SMARCC2: variants seen among roughly 807,000 people sequenced by gnomAD.
SMARCC2 encodes the protein SWI/SNF complex subunit SMARCC2.
In SMARCC2, 15 loss-of-function variants were observed where a neutral mutation model predicts 151.3. That is an observed-to-expected ratio of 0.10 (90% CI 0.07 to 0.15). The LOEUF is 0.15. Ranked by LOEUF, SMARCC2 falls within the 10% of genes least tolerant of loss-of-function variation. SMARCC2 has a pLI of 1.00. For missense variants in SMARCC2, 1,031 were observed against 1,599.7 expected (o/e 0.64, Z 6.06); for synonymous variants, 590 against 609.5 (o/e 0.97, Z 0.47).
In SMARCC2 at chr12:56,179,117, AT is replaced by A. The variant is rs1430824866; in HGVS notation, c.1082-62del. Reference sequence around the variant, plus strand: ...TTGCCTAATTCAAGCCTTCAATTTAATAGTTCCAGACATCCTACTTTCTCCA... The same window carrying A: ...TTGCCTAATTCAAGCCTTCAATTTAAAGTTCCAGACATCCTACTTTCTCCA... On this transcript the variant is annotated intron_variant, in intron 11 of 28. Coordinates refer to ENST00000550164, the MANE Select transcript of SMARCC2 (RefSeq NM_001330288.2). 5.6e-6 allele frequency: 8 copies of A among 1,427,988 alleles called. No homozygotes were observed. In the Admixed American group the frequency reaches 8.5e-5, roughly 15 times the overall value. The allele number at this position is 1,427,988 out of a possible 1,614,324, so 88.5% of individuals were successfully genotyped here.
chr12:56,178,156 G>A, intron 14 of SMARCC2, 63 bp from the exon 15 acceptor site: 1 of 1,358,310 alleles, frequency 7.4e-7, no homozygotes, highest in Admixed American at 2.1e-5. Context: ...GGCCCCAAAG[G>A]GAGGAAAAGC....
rs753976051 is a variant in SMARCC2, at chr12:56,172,541, G to A, written c.1863+44C>T. On this transcript the variant is annotated intron_variant, in intron 19 of 28. Coordinates refer to ENST00000550164, the MANE Select transcript of SMARCC2 (RefSeq NM_001330288.2). ...GAAGAAAGGAGCCTGTGACCTCTGA[G>A]GAGCGAACATTCTCTACCCCTAGAG... 5.0e-6 allele frequency: 8 copies of A among 1,613,366 alleles called. No individual in the cohort carries two copies. In the East Asian group the frequency reaches 1.1e-4, roughly 22 times the overall value.
At chr12:56,169,305 T>A (rs955679741) in intron 25 of SMARCC2, among the ~76,000 whole-genome samples, 1 of 152,104 alleles carries the variant, frequency 6.6e-6, no homozygotes, top group Non-Finnish European at 1.5e-5. Flanking sequence ...TGGCAAAGGG[T>A]AACATGGAGT....
At chr12:56,166,581 T>C (rs1294141287) in intron 26 of SMARCC2, among the ~76,000 whole-genome samples, 1 of 151,098 alleles carries the variant, frequency 6.6e-6, no homozygotes, top group Non-Finnish European at 1.5e-5. Context: ...CTATCTTCTA[T>C]TTCTTTTTCT....
Position 56,178,987 on chromosome 12 carries a change from C to T in SMARCC2, c.1141+10G>A. The T allele has an allele frequency of 6.2e-7, 1 of 1,614,032 alleles. No individual in the cohort carries two copies. The highest frequency in any genetic ancestry group is 8.5e-7 in the Non-Finnish European group (1 of 1,179,880). On this transcript the variant is annotated intron_variant, in intron 12 of 28. Transcript: ENST00000550164. Reference sequence around the variant, plus strand: ...CTCTGACTGCCGTGCCCAAGAGGCTCCTGTCTTACCCAGGTCGGTCATGGT... The same window carrying T: ...CTCTGACTGCCGTGCCCAAGAGGCTTCTGTCTTACCCAGGTCGGTCATGGT...
Position 56,189,471 on chromosome 12 carries a change from C to CTCGGGCCCCG in SMARCC2, c.-20_-11dup, listed in dbSNP as rs767506948. ...TCTTCCGCACCGCCATCTTCTCCGGCTCGGGCCCCGCCGCCGCCCGCCCCA... is the reference window on the plus strand; with the variant it reads ...TCTTCCGCACCGCCATCTTCTCCGGCTCGGGCCCCGTCGGGCCCCGCCGCCGCCCGCCCCA... On this transcript the variant is annotated 5_prime_UTR_variant, in exon 1 of 29. Transcript: ENST00000550164. 1 of 1,461,498 alleles carries CTCGGGCCCCG rather than the reference C, an allele frequency of 6.8e-7. No individual in the cohort carries two copies. Among genetic ancestry groups the CTCGGGCCCCG allele is most frequent in the Admixed American group, 2.0e-5 (1 of 48,964 alleles). 90.5% of individuals were successfully genotyped at this position (1,461,498 alleles called of 1,614,324 possible). A position where few individuals can be genotyped will look rare whatever the true frequency, so the allele number is the denominator to read the frequency against.
In SMARCC2 at chr12:56,166,832, G is replaced by A. The variant is rs986319215; in HGVS notation, c.2851-1133C>T. 1.1e-4 allele frequency among the ~76,000 whole-genome samples: 16 copies of A among 152,264 alleles called. 1 individual carries two copies. The highest frequency in any genetic ancestry group is 3.4e-3 in the Middle Eastern group (1 of 294). ...AAATCCCAGCGCTTTGGGAGGCTGA[G>A]GTGGGCGGATCACCTGAGGTCAGGA... On this transcript the variant is annotated intron_variant, in intron 26 of 28. Coordinates refer to ENST00000550164, the MANE Select transcript of SMARCC2 (RefSeq NM_001330288.2).
chr12:56,169,064 C>A (rs1283812146), intron 25 of SMARCC2, among the ~76,000 whole-genome samples: 1 of 152,032 alleles, frequency 6.6e-6, no homozygotes, highest in African/African-American at 2.4e-5. Flanking sequence ...GAGGCCAAAG[C>A]GGGTGGATCA....
chr12:56,180,624 G>A (rs1034480718), intron 11 of SMARCC2, among the ~76,000 whole-genome samples: 2 of 148,540 alleles, frequency 1.3e-5, no homozygotes, highest in Non-Finnish European at 3.0e-5. Context: ...GGCTGGTCTC[G>A]AATTCCTGAC....
chr12:56,169,792 A>G lies in SMARCC2; in HGVS notation c.2532T>C (p.Ser844=), dbSNP rs750300269. ...GAGGCTCACCTATTGGGTCTCCATC[A>G]CTCTTCTCGGACTCCTTCTCACTGT... is the stretch of plus-strand genomic sequence containing the variant. ...EGDSEKESEK[S]DGDPIVDPEK... is the part of the protein sequence containing the mutation. The change falls in exon 24 of 29, where the codon AGT becomes AGC. Residue 844 remains serine, a synonymous_variant. Coordinates refer to ENST00000550164, the MANE Select transcript of SMARCC2 (RefSeq NM_001330288.2). The G allele has an allele frequency of 4.3e-6, 7 of 1,611,228 alleles. No homozygotes were observed. The highest frequency in any genetic ancestry group is 5.9e-6 in the Non-Finnish European group (7 of 1,179,230).
intron 18 of SMARCC2, 55 bp from the exon 19 acceptor site, chr12:56,172,759 G>T: frequency 6.2e-7 from 1 of 1,608,222 alleles, no homozygotes; most frequent in South Asian, 1.1e-5. Context: ...GGAGCCAGGG[G>T]CTGACAGAGA....
At chr12:56,176,111 C>A (rs748843638) in intron 15 of SMARCC2, among the ~76,000 whole-genome samples, 2 of 152,162 alleles carry the variant, frequency 1.3e-5, no homozygotes, top group Non-Finnish European at 2.9e-5. Context: ...CCCGCCTGGG[C>A]CTCCCAAAGT....
chr12:56,167,959 C>A, intron 26 of SMARCC2, 101 bp downstream of exon 26: 2 of 697,956 alleles, frequency 2.9e-6, no homozygotes, highest in South Asian at 4.6e-5. Flanking sequence ...GAAACACACA[C>A]ACACACACAC....
chr12:56,181,442 G>T, intron 10 of SMARCC2, 40 bp downstream of exon 10: 1 of 1,202,788 alleles, frequency 8.3e-7, no homozygotes. Flanking sequence ...ATGATGTGGA[G>T]AGAATGGTGA....
At chr12:56,183,341 T>G (rs1197735133) in intron 7 of SMARCC2, 5 of 134,554 alleles carry the variant, frequency 3.7e-5, no homozygotes, top group African/African-American at 1.3e-4. Flanking sequence ...TTTTTTTTTG[T>G]ATTTTTAGTA....
rs570428512 is a variant in SMARCC2, at chr12:56,162,592, T to C, written c.*1097A>G. On this transcript the variant is annotated 3_prime_UTR_variant, in exon 29 of 29. Coordinates refer to ENST00000550164, the MANE Select transcript of SMARCC2 (RefSeq NM_001330288.2). ...GAAGCTGGGACACGTGGAGCAGGAA[T>C]GCGGGAAGCAGAGTTGAGCTGCGAG... 3 of 423,338 alleles carry C rather than the reference T, an allele frequency of 7.1e-6. No homozygotes were observed. In the East Asian group the frequency reaches 1.2e-4, roughly 17 times the overall value. The allele number at this position is 423,338 out of a possible 1,614,324, so 26.2% of individuals were successfully genotyped here.
At position 56,162,678 on chromosome 12, in the gene SMARCC2, C is replaced by G; in HGVS notation, c.*1011G>C. 4.4e-6 allele frequency: 1 copy of G among 227,188 alleles called. No individual in the cohort carries two copies. The highest frequency in any genetic ancestry group is 8.7e-6 in the Non-Finnish European group (1 of 115,476). The allele number at this position is 227,188 out of a possible 1,614,324, so 14.1% of individuals were successfully genotyped here. ...TTCCACTGCTCCCAAATCCCTGCAT[C>G]CTCATCTGGGGAGCCCCCAGCTATC... On this transcript the variant is annotated 3_prime_UTR_variant, in exon 29 of 29. Transcript: ENST00000550164.
Position 56,162,622 on chromosome 12 carries a change from G to C in SMARCC2, c.*1067C>G. ...GAAGCAGAGTTGAGCTGCGAGCCAA[G>C]GGTTGGTCCAACCCAAGGTTGGGCA... On this transcript the variant is annotated 3_prime_UTR_variant, in exon 29 of 29. Transcript: ENST00000550164. The C allele has an allele frequency of 2.9e-6, 1 of 342,126 alleles. No individual in the cohort carries two copies. Among genetic ancestry groups the C allele is most frequent in the Non-Finnish European group, 5.3e-6 (1 of 187,326 alleles). The allele number at this position is 342,126 out of a possible 1,614,324, so 21.2% of individuals were successfully genotyped here. A position where few individuals can be genotyped will look rare whatever the true frequency, so the allele number is the denominator to read the frequency against.
chr12:56,170,661 C>G (rs921487563), intron 22 of SMARCC2, among the ~76,000 whole-genome samples: 7 of 151,776 alleles, frequency 4.6e-5, no homozygotes, highest in African/African-American at 1.7e-4. Flanking sequence ...ACCATCTGCC[C>G]ACCTCAGCCT....
Sources: allele counts gnomAD v4.1 joint callset (sites outside exome capture counted in the v4.1 genomes callset), GRCh38; gene constraint gnomAD v4.1.1; transcripts MANE v1.5; gene names NCBI Gene and HGNC (gene_info 2026-07-23, HGNC 2026-07-21).